Variants in AP4S1 observed in about 807,000 individuals in gnomAD.
AP4S1 encodes the protein AP-4 complex subunit sigma-1.
Under a neutral mutation model 19.8 loss-of-function variants are expected in AP4S1, and 23 were observed. The ratio of observed to expected loss-of-function variants is 1.16; its 90% confidence interval spans 0.84 to 1.65. AP4S1 has a LOEUF of 1.65. Ranked by LOEUF, AP4S1 falls within the 40% of genes most tolerant of loss-of-function variation. AP4S1 has a pLI of 0.00. For synonymous variants in AP4S1, 46 were observed against 54.1 expected, an observed-to-expected ratio of 0.85 and a Z score of 0.66; for missense variants, 166 against 172.8, an observed-to-expected ratio of 0.96 and a Z score of 0.22.
intron 1 of AP4S1, among the ~76,000 whole-genome samples, chr14:31,055,769 A>G (rs1304449998): frequency 6.6e-6 from 1 of 152,200 alleles, no homozygotes; most frequent in Non-Finnish European, 1.5e-5. Context: ...TGGGGTACAT[A>G]AAAAGCATTT....
intron 1 of AP4S1, among the ~76,000 whole-genome samples, chr14:31,054,739 G>A (rs1342885816): frequency 6.6e-6 from 1 of 151,514 alleles, no homozygotes; most frequent in Non-Finnish European, 1.5e-5. Context: ...ATGGAGGTAC[G>A]TGCCTCTAGT....
intron 1 of AP4S1, among the ~76,000 whole-genome samples, chr14:31,056,128 A>T (rs957517291): frequency 2.6e-5 from 4 of 151,886 alleles, no homozygotes; most frequent in African/African-American, 9.7e-5. Context: ...TACAGGCATG[A>T]GCCACTGTGC....
chr14:31,071,857 A>G (rs1405948206), intron 3 of AP4S1, among the ~76,000 whole-genome samples: 1 of 151,820 alleles, frequency 6.6e-6, no homozygotes, highest in Non-Finnish European at 1.5e-5. Context: ...CTAAGACTAC[A>G]GGCGCACACC....
rs74042129 is a variant in AP4S1 at position 31,088,178 on chromosome 14, G to C, written c.307-4729G>C. 6.0e-3 allele frequency among the ~76,000 whole-genome samples: 911 copies of C among 152,052 alleles called. 6 individuals are homozygous for C. The highest frequency in any genetic ancestry group is 0.02 in the African/African-American group (815 of 41,512). ...CAGTTCTGCCTCCAGGTTTTTTTTGGCTCCCACTAGCCTTGACCACTTTCC... is the reference window on the plus strand; with the variant it reads ...CAGTTCTGCCTCCAGGTTTTTTTTGCCTCCCACTAGCCTTGACCACTTTCC... On this transcript the variant is annotated intron_variant, in intron 5 of 5. Coordinates refer to ENST00000542754, the MANE Select transcript of AP4S1 (RefSeq NM_001128126.3).
intron 1 of AP4S1, among the ~76,000 whole-genome samples, chr14:31,028,991 G>A (rs536289889): frequency 2.0e-5 from 3 of 152,242 alleles, no homozygotes; most frequent in African/African-American, 7.2e-5. Flanking sequence ...TGAGCTTAAG[G>A]AAAGACTGGA....
chr14:31,035,448 C>T (rs1884685941), intron 1 of AP4S1, among the ~76,000 whole-genome samples: 1 of 151,782 alleles, frequency 6.6e-6, no homozygotes, highest in Non-Finnish European at 1.5e-5. Context: ...ACCTCAGCCT[C>T]CCAAAGTGCT....
chr14:31,054,358 G>T (rs1885978785), intron 1 of AP4S1, among the ~76,000 whole-genome samples: 1 of 152,162 alleles, frequency 6.6e-6, no homozygotes, highest in African/African-American at 2.4e-5. Context: ...AACATAGCAA[G>T]ACCCCGTGTC....
chr14:31,043,680 T>C (rs1885238294), intron 1 of AP4S1, among the ~76,000 whole-genome samples: 1 of 152,186 alleles, frequency 6.6e-6, no homozygotes, highest in Non-Finnish European at 1.5e-5. Flanking sequence ...TTCAAGTAAA[T>C]TTTGAGGCAA....
Position 31,087,546 on chromosome 14 carries a change from G to A in AP4S1, c.307-5361G>A, listed in dbSNP as rs1222054346. ...ATTTTTGTATTTTTAATAGACACAG[G>A]ATTTTGCCATTTTGGCCAGGCTGGT... On this transcript the variant is annotated intron_variant, in intron 5 of 5. Coordinates refer to ENST00000542754, the MANE Select transcript of AP4S1 (RefSeq NM_001128126.3). Among the ~76,000 whole-genome samples the A allele has an allele frequency of 2.0e-5, 3 of 151,740 alleles. No individual in the cohort carries two copies. The East Asian group carries it at 5.9e-4, about 30-fold the overall frequency.
At chr14:31,076,531 T>C (rs1217126325) in intron 4 of AP4S1, among the ~76,000 whole-genome samples, 1 of 152,212 alleles carries the variant, frequency 6.6e-6, no homozygotes, top group Non-Finnish European at 1.5e-5. Flanking sequence ...TATTGTTGAG[T>C]TGCAGGAGTT....
At chr14:31,087,073 A>AT (rs1031307292) in intron 5 of AP4S1, among the ~76,000 whole-genome samples, 1 of 152,108 alleles carries the variant, frequency 6.6e-6, no homozygotes. Flanking sequence ...ATTTAAAAAA[A>AT]TTTTTTAAAA....
chr14:31,040,571 T>A (rs532761150), intron 1 of AP4S1, among the ~76,000 whole-genome samples: 28 of 152,148 alleles, frequency 1.8e-4, no homozygotes, highest in Non-Finnish European at 3.7e-4. Context: ...TCACTGCCCA[T>A]TAAATGAAAA....
At chr14:31,052,204 C>T (rs534925521) in intron 1 of AP4S1, among the ~76,000 whole-genome samples, 9 of 151,914 alleles carry the variant, frequency 5.9e-5, no homozygotes, top group East Asian at 1.9e-4. Flanking sequence ...CAGGGGACAT[C>T]GAGGCTGCAG....
intron 5 of AP4S1, chr14:31,084,858 T>C (rs374141353): frequency 1.2e-6 from 2 of 1,614,226 alleles, no homozygotes; most frequent in Admixed American, 3.3e-5. Flanking sequence ...TCAAAGGAGC[T>C]GCCTCCACCA....
intron 1 of AP4S1, chr14:31,032,964 T>G (rs1434204369): frequency 6.6e-6 from 1 of 152,174 alleles, no homozygotes; most frequent in Non-Finnish European, 1.5e-5. Flanking sequence ...TATTCTTATC[T>G]CCACAGTGAA....
intron 5 of AP4S1, among the ~76,000 whole-genome samples, chr14:31,082,787 T>A (rs1349342821): frequency 6.6e-6 from 1 of 151,998 alleles, no homozygotes; most frequent in African/African-American, 2.4e-5. Flanking sequence ...TCCCAGCTAC[T>A]TGGGAGGCTG....
chr14:31,093,222 T>A lies in AP4S1; in HGVS notation c.*187T>A. On this transcript the variant is annotated 3_prime_UTR_variant, in exon 6 of 6. Transcript: ENST00000542754. ...AAACACAACTGTACTTTAAAATATG[T>A]ACAAAGAAAAAAATTTCTTTAAACT... 1 of 495,892 alleles carries A rather than the reference T, an allele frequency of 2.0e-6. No homozygotes were observed. The highest frequency in any genetic ancestry group is 3.3e-6 in the Non-Finnish European group (1 of 304,748). The allele number at this position is 495,892 out of a possible 1,614,324, so 30.7% of individuals were successfully genotyped here. A position where few individuals can be genotyped will look rare whatever the true frequency, so the allele number is the denominator to read the frequency against.
At chr14:31,073,787 G>T (rs1265732442) in intron 4 of AP4S1, among the ~76,000 whole-genome samples, 1 of 150,346 alleles carries the variant, frequency 6.7e-6, no homozygotes, top group Non-Finnish European at 1.5e-5. Context: ...TGATCCACCC[G>T]CCCGCCTCGG....
At chr14:31,052,207 G>T (rs1250019538) in intron 1 of AP4S1, among the ~76,000 whole-genome samples, 2 of 152,064 alleles carry the variant, frequency 1.3e-5, no homozygotes, top group Non-Finnish European at 2.9e-5. Context: ...GGGACATCGA[G>T]GCTGCAGTGA....
Sources: gnomAD v4.1 joint callset for allele counts (sites outside exome capture counted in the v4.1 genomes callset) on GRCh38, gnomAD v4.1.1 for gene constraint, MANE v1.5 for transcripts, NCBI Gene and HGNC (gene_info 2026-07-23, HGNC 2026-07-21) for gene names.